Variants in TMEM51 observed in about 807,000 individuals in gnomAD.
TMEM51 encodes chromosome 1 open reading frame 72.
In TMEM51, 8 loss-of-function variants were observed where a neutral mutation model predicts 13.6. The ratio of observed to expected loss-of-function variants is 0.59; its 90% confidence interval spans 0.35 to 1.07. TMEM51 has a LOEUF of 1.07. TMEM51 is among the 50% of genes least tolerant of loss of function. The pLI is 0.02. For synonymous variants in TMEM51, 147 were observed against 144.4 expected (o/e 1.02, Z -0.13); for missense variants, 279 against 330.7 (o/e 0.84, Z 1.21).
chr1:15,178,048 G>A (rs12743208), intron 1 of TMEM51, among the ~76,000 whole-genome samples: 66 of 152,322 alleles, frequency 4.3e-4, no homozygotes, highest in Non-Finnish European at 7.8e-4. Context: ...GTCGAACCTA[G>A]AACCAGAACC....
At chr1:15,159,638 C>G (rs1642705829) in intron 1 of TMEM51, among the ~76,000 whole-genome samples, 1 of 152,180 alleles carries the variant, frequency 6.6e-6, no homozygotes. Context: ...CTCACAGCAA[C>G]CTCCACCTCC....
chr1:15,157,270 A>G (rs1180063224), intron 1 of TMEM51, among the ~76,000 whole-genome samples: 1 of 152,082 alleles, frequency 6.6e-6, no homozygotes, highest in African/African-American at 2.4e-5. Context: ...TGTGGTGTTT[A>G]CTTGGGCGGA....
At chr1:15,218,833 C>T (rs550773149) in intron 3 of TMEM51, among the ~76,000 whole-genome samples, 27 of 152,232 alleles carry the variant, frequency 1.8e-4, no homozygotes, top group African/African-American at 6.3e-4. Flanking sequence ...AATAGCTTGC[C>T]CCTCAATTTG....
intron 1 of TMEM51, among the ~76,000 whole-genome samples, chr1:15,187,676 C>A (rs1380852972): frequency 2.0e-5 from 3 of 152,194 alleles, no homozygotes; most frequent in African/African-American, 7.2e-5. Flanking sequence ...GCATTCCCAC[C>A]ACGGTGATTT....
intron 1 of TMEM51, among the ~76,000 whole-genome samples, chr1:15,163,001 G>C (rs1400665677): frequency 6.6e-6 from 1 of 152,002 alleles, no homozygotes; most frequent in Non-Finnish European, 1.5e-5. Flanking sequence ...AAATGGTTAA[G>C]ATAGTCAACT....
At chr1:15,168,029 C>T (rs189713452) in intron 1 of TMEM51, among the ~76,000 whole-genome samples, 4 of 152,290 alleles carry the variant, frequency 2.6e-5, no homozygotes, top group South Asian at 2.1e-4. Flanking sequence ...GTCCCTTATA[C>T]GAGCGTAGCC....
intron 1 of TMEM51, among the ~76,000 whole-genome samples, chr1:15,186,720 A>T (rs1643787397): frequency 6.6e-6 from 1 of 152,190 alleles, no homozygotes; most frequent in Non-Finnish European, 1.5e-5. Context: ...CTGCTAGGCC[A>T]TAGGGAGCCA....
At chr1:15,218,905 C>G (rs369646760) in intron 3 of TMEM51, among the ~76,000 whole-genome samples, 4 of 152,178 alleles carry the variant, frequency 2.6e-5, no homozygotes. Flanking sequence ...TTTCCAAGAG[C>G]CCCTATGTGG....
chr1:15,181,182 C>T (rs1412711956), intron 1 of TMEM51, among the ~76,000 whole-genome samples: 4 of 152,214 alleles, frequency 2.6e-5, no homozygotes. Context: ...CCAGCCTTAA[C>T]AAGCTACAGT....
intron 1 of TMEM51, among the ~76,000 whole-genome samples, chr1:15,188,140 T>C (rs1643841787): frequency 6.6e-6 from 1 of 152,226 alleles, no homozygotes; most frequent in Admixed American, 6.5e-5. Flanking sequence ...TGGTACCCTC[T>C]GGAGTTTCTC....
chr1:15,165,131 T>C (rs1485041225), intron 1 of TMEM51, among the ~76,000 whole-genome samples: 1 of 152,200 alleles, frequency 6.6e-6, no homozygotes, highest in Non-Finnish European at 1.5e-5. Flanking sequence ...AAAAGCTGAA[T>C]GCCCTAGTTG....
intron 1 of TMEM51, among the ~76,000 whole-genome samples, chr1:15,186,297 G>A (rs1360468982): frequency 6.6e-6 from 1 of 152,254 alleles, no homozygotes; most frequent in African/African-American, 2.4e-5. Flanking sequence ...GATCAAAATG[G>A]CAGCAGTGTG....
intron 1 of TMEM51, among the ~76,000 whole-genome samples, chr1:15,176,613 C>T (rs1421672756): frequency 1.3e-5 from 2 of 152,208 alleles, no homozygotes; most frequent in African/African-American, 4.8e-5. Context: ...ATGTTCAGGA[C>T]ATTACTCTGG....
rs1007028519 is a variant in TMEM51 at position 15,183,065 on chromosome 1, T to C, written c.-266-27425T>C. Among the ~76,000 whole-genome samples, 3 of 152,228 alleles carry C rather than the reference T, an allele frequency of 2.0e-5. No individual in the cohort carries two copies. The South Asian group carries it at 6.2e-4, about 31-fold the overall frequency. Reference sequence around the variant, plus strand: ...GATGTGAGCCACCACGCCCAGCCAATGGCTTCTAAATTTGAGTAGCCCCAG... The same window carrying C: ...GATGTGAGCCACCACGCCCAGCCAACGGCTTCTAAATTTGAGTAGCCCCAG... On this transcript the variant is annotated intron_variant, in intron 1 of 3. Coordinates refer to ENST00000376008, the MANE Select transcript of TMEM51 (RefSeq NM_001136218.2).
At chr1:15,159,877 C>T (rs1248349125) in intron 1 of TMEM51, among the ~76,000 whole-genome samples, 1 of 152,206 alleles carries the variant, frequency 6.6e-6, no homozygotes, top group Non-Finnish European at 1.5e-5. Flanking sequence ...CCAATGGAAG[C>T]TTCCCAGGCC....
intron 1 of TMEM51, among the ~76,000 whole-genome samples, chr1:15,173,944 A>G: frequency 6.6e-6 from 1 of 152,240 alleles, no homozygotes; most frequent in African/African-American, 2.4e-5. Context: ...CCTGCTCTTC[A>G]ATGGGTTAAG....
At chr1:15,178,647 T>C (rs1643521746) in intron 1 of TMEM51, among the ~76,000 whole-genome samples, 1 of 152,172 alleles carries the variant, frequency 6.6e-6, no homozygotes, top group Non-Finnish European at 1.5e-5. Context: ...TTAGTACTGG[T>C]GGTGTGCCCA....
At chr1:15,178,867 A>C (rs1183772814) in intron 1 of TMEM51, among the ~76,000 whole-genome samples, 1 of 152,244 alleles carries the variant, frequency 6.6e-6, no homozygotes. Context: ...AATGGGCATG[A>C]AACCTGGTTG....
chr1:15,204,512 G>A (rs985963738), intron 1 of TMEM51, among the ~76,000 whole-genome samples: 8 of 152,308 alleles, frequency 5.3e-5, no homozygotes, highest in African/African-American at 1.4e-4. Flanking sequence ...CCAAGATCGC[G>A]CCACTGCACT....
Sources: allele counts gnomAD v4.1 joint callset (sites outside exome capture counted in the v4.1 genomes callset), GRCh38; gene constraint gnomAD v4.1.1; transcripts MANE v1.5; gene names NCBI Gene and HGNC (gene_info 2026-07-23, HGNC 2026-07-21).